The following COL26A1 variants were observed in gnomAD, a reference collection of about 807,000 sequenced individuals.
The protein encoded by COL26A1 is collagen alpha-1(XXVI) chain.
COL26A1 carries 41 observed loss-of-function variants against 59.3 expected under a neutral mutation model. The ratio of observed to expected loss-of-function variants is 0.69; its 90% CI spans 0.54 to 0.90. The LOEUF (loss-of-function observed/expected upper bound fraction) is 0.90, where lower values mean the gene tolerates loss of function less well. Among genes scored for constraint, COL26A1 ranks in the 40% least tolerant of loss-of-function variants. COL26A1 has a pLI of 0.00. For missense variants in COL26A1, 612 were observed against 602.3 expected (o/e 1.02, Z -0.17); for synonymous variants, 266 against 256.0 (o/e 1.04, Z -0.37).
chr7:101,421,534 G>C (rs144902269), intron 2 of COL26A1, among the ~76,000 whole-genome samples: 1,618 of 152,110 alleles, frequency 0.011, 12 homozygotes, highest in Non-Finnish European at 0.017. Context: ...AATTAGCCAG[G>C]CGTGGTGGTG....
chr7:101,401,346 C>T (rs1033096854), intron 1 of COL26A1, among the ~76,000 whole-genome samples: 2 of 152,226 alleles, frequency 1.3e-5, no homozygotes, highest in African/African-American at 4.8e-5. Context: ...AAAGCTATGT[C>T]AGCGGGATGG....
intron 3 of COL26A1, among the ~76,000 whole-genome samples, chr7:101,459,686 G>A (rs11771805): frequency 0.44 from 66,580 of 151,606 alleles, 15,410 homozygotes; most frequent in Middle Eastern, 0.54. Flanking sequence ...TTACCACAAA[G>A]TTGATCATCT....
chr7:101,489,836 T>C lies in COL26A1; in HGVS notation c.385+42049T>C, dbSNP rs1416931017. 1.3e-3 allele frequency among the ~76,000 whole-genome samples: 22 copies of C among 17,452 alleles called. 2 individuals carry two copies. Among genetic ancestry groups the C allele is most frequent in the East Asian group, 0.011 (8 of 730 alleles). The allele number at this position is 17,452 out of a possible 152,430, so 11.4% of individuals were successfully genotyped here. A position where few individuals can be genotyped will look rare whatever the true frequency, so the allele number is the denominator to read the frequency against. ...TTTCTTTCTTTCTTTCTTTCTTTCT[T>C]TCTTTCTTTCTTTCTTTCTTTCTTT... On this transcript the variant is annotated intron_variant, in intron 3 of 12. Coordinates refer to ENST00000313669, the MANE Select transcript of COL26A1 (RefSeq NM_001278563.3).
At chr7:101,516,461 G>A (rs1180516251) in intron 3 of COL26A1, among the ~76,000 whole-genome samples, 2 of 151,792 alleles carry the variant, frequency 1.3e-5, no homozygotes, top group Non-Finnish European at 2.9e-5. Flanking sequence ...TTTTAGAGAT[G>A]GGGTCTCACT....
intron 3 of COL26A1, among the ~76,000 whole-genome samples, chr7:101,469,167 G>A (rs1280899539): frequency 6.6e-6 from 1 of 152,200 alleles, no homozygotes; most frequent in African/African-American, 2.4e-5. Flanking sequence ...TTTATGGACT[G>A]TAAAGTGCTG....
At chr7:101,552,723 A>G (rs1349710497) in intron 10 of COL26A1, among the ~76,000 whole-genome samples, 1 of 152,172 alleles carries the variant, frequency 6.6e-6, no homozygotes, top group African/African-American at 2.4e-5. Flanking sequence ...CCTGGCCAAC[A>G]TGGTGAAACC....
At chr7:101,444,994 T>C (rs1373233134) in intron 2 of COL26A1, among the ~76,000 whole-genome samples, 1 of 151,166 alleles carries the variant, frequency 6.6e-6, no homozygotes, top group Non-Finnish European at 1.5e-5. Flanking sequence ...GTGCCTGCCA[T>C]CATGCCTGGC....
intron 1 of COL26A1, among the ~76,000 whole-genome samples, chr7:101,400,174 G>A (rs1295110225): frequency 6.6e-6 from 1 of 151,968 alleles, no homozygotes; most frequent in Non-Finnish European, 1.5e-5. Flanking sequence ...GGGGAGGGGA[G>A]TAGGCATTCT....
At chr7:101,412,134 A>T (rs10272599) in intron 1 of COL26A1, among the ~76,000 whole-genome samples, 2 of 151,942 alleles carry the variant, frequency 1.3e-5, no homozygotes, top group African/African-American at 4.8e-5. Context: ...CCAGGGGCAG[A>T]GCTTGGACAC....
At chr7:101,413,560 A>G (rs1792294968) in intron 1 of COL26A1, among the ~76,000 whole-genome samples, 1 of 152,078 alleles carries the variant, frequency 6.6e-6, no homozygotes, top group African/African-American at 2.4e-5. Context: ...AGAAAAAGAA[A>G]AGAAGAAAGA....
In COL26A1 at chr7:101,525,829, C is replaced by G. The variant is rs1010749813; in HGVS notation, c.386-7253C>G. ...TTACTTAAGTTAGAAAGTGACCAAA[C>G]GTAGAGACTTTCTTCCTTTGACCCC... is the stretch of plus-strand genomic sequence containing the variant. On this transcript the variant is annotated intron_variant, in intron 3 of 12. Transcript: ENST00000313669. 2.0e-5 allele frequency among the ~76,000 whole-genome samples: 3 copies of G among 152,148 alleles called. No homozygotes were observed. The South Asian group carries it at 6.2e-4, about 32-fold the overall frequency.
At chr7:101,366,434 G>A (rs6963365) in intron 1 of COL26A1, among the ~76,000 whole-genome samples, 82,084 of 142,734 alleles carry the variant, frequency 0.58, 23,998 homozygotes, top group African/African-American at 0.73. Context: ...TTGACAAAGA[G>A]TGCTTTAATT....
intron 3 of COL26A1, among the ~76,000 whole-genome samples, chr7:101,452,349 A>T (rs916984818): frequency 6.6e-6 from 1 of 152,092 alleles, no homozygotes; most frequent in Non-Finnish European, 1.5e-5. Flanking sequence ...CACCTTTCTC[A>T]ATAGAGGAGG....
At chr7:101,392,344 T>C (rs980190943) in intron 1 of COL26A1, among the ~76,000 whole-genome samples, 1 of 151,586 alleles carries the variant, frequency 6.6e-6, no homozygotes, top group Admixed American at 6.6e-5. Flanking sequence ...CCATCTGTTG[T>C]TATGAGCAGG....
At chr7:101,499,452 G>A (rs1225691725) in intron 3 of COL26A1, among the ~76,000 whole-genome samples, 1 of 152,196 alleles carries the variant, frequency 6.6e-6, no homozygotes, top group Non-Finnish European at 1.5e-5. Flanking sequence ...GGAGGCCGAG[G>A]TGGGTGGATC....
At chr7:101,387,763 TATATATA>T (rs1419626279) in intron 1 of COL26A1, among the ~76,000 whole-genome samples, 17 of 64,890 alleles carry the variant, frequency 2.6e-4, no homozygotes, top group African/African-American at 8.7e-4. Context: ...TTTATATATA[TATATATA>T]TATATATATT....
chr7:101,469,545 A>G (rs1446219287), intron 3 of COL26A1, among the ~76,000 whole-genome samples: 1 of 149,712 alleles, frequency 6.7e-6, no homozygotes, highest in Admixed American at 6.7e-5. Flanking sequence ...CCTGGTGTGC[A>G]GTGGCACGAT....
chr7:101,466,350 G>T (rs1793757253), intron 3 of COL26A1, among the ~76,000 whole-genome samples: 1 of 152,036 alleles, frequency 6.6e-6, no homozygotes, highest in Non-Finnish European at 1.5e-5. Context: ...CTGAATAAAT[G>T]GCCCTTGTTA....
At chr7:101,541,331 T>A (rs1795613643) in intron 5 of COL26A1, among the ~76,000 whole-genome samples, 1 of 152,130 alleles carries the variant, frequency 6.6e-6, no homozygotes, top group Non-Finnish European at 1.5e-5. Context: ...GCCACACTTT[T>A]ACAATTTTAT....
Sources: gnomAD v4.1 joint callset for allele counts (sites outside exome capture counted in the v4.1 genomes callset) on GRCh38, gnomAD v4.1.1 for gene constraint, MANE v1.5 for transcripts, NCBI Gene and HGNC (gene_info 2026-07-23, HGNC 2026-07-21) for gene names.